The following DISP1 variants were observed in gnomAD, a reference collection of about 807,000 sequenced individuals.
DISP1 encodes the protein protein dispatched homolog 1.
In DISP1, 30 loss-of-function variants were observed where a neutral mutation model predicts 37.3. That is an observed-to-expected ratio of 0.80 (90% CI 0.60 to 1.09). The LOEUF (loss-of-function observed/expected upper bound fraction) is 1.09, where lower values mean the gene tolerates loss of function less well. Ranked by LOEUF, DISP1 falls within the 50% of genes least tolerant of loss-of-function variation. The pLI is 0.00. For missense variants in DISP1, 1,598 were observed against 1,879.5 expected, an observed-to-expected ratio of 0.85 and a Z score of 2.77; for synonymous variants, 634 against 690.2, an observed-to-expected ratio of 0.92 and a Z score of 1.28.
chr1:222,883,411 A>G (rs909947034), intron 1 of DISP1, among the ~76,000 whole-genome samples: 5 of 152,262 alleles, frequency 3.3e-5, no homozygotes, highest in South Asian at 4.1e-4. Flanking sequence ...CGAGGTCAGG[A>G]GTTTGAGACC....
rs532131413 is a variant in DISP1, at chr1:222,948,386, AG to A, written c.509+5055del. On this transcript the variant is annotated intron_variant, in intron 3 of 8. Coordinates refer to ENST00000675850, the MANE Select transcript of DISP1 (RefSeq NM_001377229.1). ...TTTACCCAACCAATAAAATATCCAC[AG>A]AAGCAAATGTGCTCTTCGATAGAGC... Among the ~76,000 whole-genome samples, 466 of 152,352 alleles carry A rather than the reference AG, an allele frequency of 3.1e-3. 3 individuals are homozygous for A. Among genetic ancestry groups the A allele is most frequent in the African/African-American group, 0.011 (450 of 41,594 alleles).
intron 1 of DISP1, among the ~76,000 whole-genome samples, chr1:222,919,894 T>G (rs1004746512): frequency 6.6e-6 from 1 of 152,200 alleles, no homozygotes; most frequent in Non-Finnish European, 1.5e-5. Flanking sequence ...TCATTTTCCT[T>G]TTTCCATACA....
chr1:223,005,433 G>A lies in DISP1; in HGVS notation c.4036G>A (p.Gly1346Arg), dbSNP rs201945216. Residue 1346 changes from glycine to arginine, a missense_variant, in exon 9 of 9, where the codon GGA (glycine) becomes AGA (arginine). Coordinates refer to ENST00000675850, the MANE Select transcript of DISP1 (RefSeq NM_001377229.1). ...PCLQGRVKPA[G>R]MQNSLPRNFF... ...CCTGCAGGGCAGAGTAAAGCCAGCC[G>A]GAATGCAGAATTCTCTGCCTAGGAA... 1.9e-5 allele frequency: 30 copies of A among 1,613,478 alleles called. No individual in the cohort carries two copies. The highest frequency in any genetic ancestry group is 9.9e-5 in the South Asian group (9 of 91,072).
chr1:222,998,534 T>G (rs532695720), intron 8 of DISP1, among the ~76,000 whole-genome samples: 2 of 152,286 alleles, frequency 1.3e-5, no homozygotes, highest in African/African-American at 4.8e-5. Flanking sequence ...TCTGATCCTG[T>G]TGTCTACCTC....
chr1:222,905,568 A>G (rs1390337320), intron 1 of DISP1, among the ~76,000 whole-genome samples: 1 of 152,158 alleles, frequency 6.6e-6, no homozygotes, highest in African/African-American at 2.4e-5. Context: ...TTATAAGACT[A>G]TTTCTTATTT....
intron 3 of DISP1, among the ~76,000 whole-genome samples, chr1:222,959,709 A>C (rs1272665185): frequency 3.5e-4 from 43 of 121,642 alleles, no homozygotes; most frequent in Middle Eastern, 7.3e-3. Flanking sequence ...TCAAAAAAAA[A>C]AAAAAAAGAA....
At position 222,990,691 on chromosome 1, in the gene DISP1, C is replaced by A; in HGVS notation, c.606C>A (p.Val202=). Reference sequence around the variant, plus strand: ...GCATGTGCACCATGTTCATCGTAGTCTGTGCCTTGGTTGGAGTATTAGTGC... The same window carrying A: ...GCATGTGCACCATGTTCATCGTAGTATGTGCCTTGGTTGGAGTATTAGTGC... ...VLGMCTMFIV[V]CALVGVLVPE... Residue 202 remains valine (V), a synonymous_variant, in exon 5 of 9, where the codon GTC becomes GTA. Coordinates refer to ENST00000675850, the MANE Select transcript of DISP1 (RefSeq NM_001377229.1). 3 of 1,614,160 alleles carry A rather than the reference C, an allele frequency of 1.9e-6. No individual in the cohort carries two copies. In the East Asian group the frequency reaches 6.7e-5, roughly 36 times the overall value.
chr1:222,909,637 C>T (rs1251506783), intron 1 of DISP1, among the ~76,000 whole-genome samples: 1 of 152,118 alleles, frequency 6.6e-6, no homozygotes, highest in Non-Finnish European at 1.5e-5. Context: ...CACCATATCC[C>T]ACATGGCAAC....
chr1:222,830,406 C>T (rs755311879), intron 1 of DISP1, among the ~76,000 whole-genome samples: 1 of 150,766 alleles, frequency 6.6e-6, no homozygotes, highest in African/African-American at 2.4e-5. Flanking sequence ...TTTGAGACAG[C>T]GTCTCGCCCT....
At chr1:222,842,309 A>AT (rs370490584) in intron 1 of DISP1, among the ~76,000 whole-genome samples, 3,741 of 109,738 alleles carry the variant, frequency 0.034, 156 homozygotes, top group African/African-American at 0.11. Flanking sequence ...AAAACCTGTC[A>AT]TTTTAAAAAA....
chr1:222,832,219 C>T (rs910781048), intron 1 of DISP1, among the ~76,000 whole-genome samples: 11 of 152,000 alleles, frequency 7.2e-5, no homozygotes, highest in African/African-American at 2.4e-4. Flanking sequence ...TGCAGTGAGC[C>T]GAGATTGCAC....
chr1:222,963,974 CTCTT>C (rs1293228241), intron 3 of DISP1, among the ~76,000 whole-genome samples: 2 of 152,004 alleles, frequency 1.3e-5, no homozygotes, highest in Admixed American at 6.6e-5. Flanking sequence ...TGGGGATTGT[CTCTT>C]TCAGGTCCTC....
At chr1:222,926,837 C>T (rs1397672981) in intron 1 of DISP1, among the ~76,000 whole-genome samples, 1 of 151,988 alleles carries the variant, frequency 6.6e-6, no homozygotes, top group Non-Finnish European at 1.5e-5. Context: ...CTAAATCGAC[C>T]GCAAAAGGGA....
Position 222,943,104 on chromosome 1 carries a change from A to C in DISP1, c.281A>C (p.His94Pro). The C allele has an allele frequency of 6.2e-7, 1 of 1,614,148 alleles. No homozygotes were observed. Among genetic ancestry groups the C allele is most frequent in the Non-Finnish European group, 8.5e-7 (1 of 1,179,988 alleles). The change falls in exon 3 of 9, where the codon CAT (histidine) becomes CCT (proline). Residue 94 changes from histidine to proline, a missense_variant. Coordinates refer to ENST00000675850, the MANE Select transcript of DISP1 (RefSeq NM_001377229.1). ...PCPYHHPLTS[H>P]SSHQECHPEA... Reference sequence around the variant, plus strand: ...CCATACCATCACCCTTTGACTAGCCATAGCAGTCACCAAGAGTGCCATCCC... The same window carrying C: ...CCATACCATCACCCTTTGACTAGCCCTAGCAGTCACCAAGAGTGCCATCCC...
chr1:222,824,697 T>C (rs986289546), intron 1 of DISP1, among the ~76,000 whole-genome samples: 3 of 152,188 alleles, frequency 2.0e-5, no homozygotes, highest in Non-Finnish European at 4.4e-5. Context: ...AAATATTTGC[T>C]GCATCAATTC....
At chr1:222,952,385 T>C (rs1402496493) in intron 3 of DISP1, among the ~76,000 whole-genome samples, 1 of 152,194 alleles carries the variant, frequency 6.6e-6, no homozygotes, top group Non-Finnish European at 1.5e-5. Flanking sequence ...ACAACTGAGA[T>C]CCCTTTTCAA....
At chr1:222,886,247 G>A (rs1215909405) in intron 1 of DISP1, among the ~76,000 whole-genome samples, 2 of 152,174 alleles carry the variant, frequency 1.3e-5, no homozygotes, top group Non-Finnish European at 1.5e-5. Flanking sequence ...AGTGAGTGTT[G>A]ACAGAATGGT....
chr1:222,980,403 G>A (rs1360045524), intron 3 of DISP1, among the ~76,000 whole-genome samples: 1 of 117,474 alleles, frequency 8.5e-6, no homozygotes, highest in South Asian at 3.6e-4. Flanking sequence ...ATGGGCTGAT[G>A]TAACAAAGTG....
In DISP1 at chr1:223,004,637, C is replaced by T. The variant is rs867446045; in HGVS notation, c.3240C>T (p.Gly1080=). 2.5e-6 allele frequency: 4 copies of T among 1,613,980 alleles called. No individual in the cohort carries two copies. In the African/African-American group the frequency reaches 5.3e-5, roughly 22 times the overall value. ...GKVIFSLSRV[G]SAMAMAALTT... ...TGATCTTCTCTCTGAGTCGCGTGGG[C>T]TCTGCGATGGCCATGGCTGCCCTGA... The change falls in exon 9 of 9, where the codon GGC becomes GGT. Residue 1080 remains glycine, a synonymous_variant. Transcript: ENST00000675850. This position sits in a 1 kb window ranked among gnomAD's most constrained non-coding sequence, Gnocchi z 4.9.
Sources: allele counts gnomAD v4.1 joint callset (sites outside exome capture counted in the v4.1 genomes callset), GRCh38; gene constraint gnomAD v4.1.1; non-coding constraint Gnocchi (gnomAD v3.1); transcripts MANE v1.5; gene names NCBI Gene and HGNC (gene_info 2026-07-23, HGNC 2026-07-21).